Variants in LRBA observed in about 807,000 individuals in gnomAD.
LRBA encodes the protein LPS responsive beige-like anchor protein.
A neutral mutation model predicts 330.0 loss-of-function variants in LRBA; 176 were observed. The ratio of observed to expected loss-of-function variants is 0.53; its 90% CI spans 0.47 to 0.60. LRBA has a LOEUF of 0.60. Among genes scored for constraint, LRBA ranks in the 20% least tolerant of loss-of-function variants. The probability of loss-of-function intolerance (pLI) is 0.00; values close to 1 mark genes in which losing one functional copy is unlikely to be tolerated. For synonymous variants in LRBA, 1,230 were observed against 1,193.0 expected, an observed-to-expected ratio of 1.03 and a Z score of -0.64; for missense variants, 3,259 against 3,444.8, an observed-to-expected ratio of 0.95 and a Z score of 1.35.
At chr4:150,270,363 T>C (rs1745907988) in intron 56 of LRBA, among the ~76,000 whole-genome samples, 1 of 152,164 alleles carries the variant, frequency 6.6e-6, no homozygotes, top group Non-Finnish European at 1.5e-5. Context: ...AGAATATTCA[T>C]ATAATATTCT....
At chr4:150,303,815 C>T (rs1382450554) in intron 52 of LRBA, among the ~76,000 whole-genome samples, 2 of 151,912 alleles carry the variant, frequency 1.3e-5, no homozygotes, top group African/African-American at 2.4e-5. Context: ...CCTTGTAATC[C>T]ACCCGCCTGG....
intron 5 of LRBA, among the ~76,000 whole-genome samples, chr4:150,918,179 C>T (rs1437151509): frequency 2.0e-5 from 3 of 152,006 alleles, no homozygotes; most frequent in Non-Finnish European, 4.4e-5. Flanking sequence ...AAAAGACAAG[C>T]CACAAGAATG....
intron 2 of LRBA, among the ~76,000 whole-genome samples, chr4:150,931,232 G>C (rs934785720): frequency 6.6e-6 from 1 of 151,606 alleles, no homozygotes; most frequent in Non-Finnish European, 1.5e-5. Context: ...TCATAGTACA[G>C]TTATTTAAAC....
intron 47 of LRBA, among the ~76,000 whole-genome samples, chr4:150,372,765 T>TTTTTTTTTTTTTTTTTTTTG (rs1740582373): frequency 6.9e-6 from 1 of 144,332 alleles, no homozygotes; most frequent in Non-Finnish European, 1.5e-5. Context: ...AAGTTCTTAC[T>TTTTTTTTTTTTTTTTTTTTG]AGATATTAGT....
chr4:150,553,577 A>G (rs1036802190), intron 40 of LRBA, among the ~76,000 whole-genome samples: 4 of 152,146 alleles, frequency 2.6e-5, no homozygotes, highest in Non-Finnish European at 5.9e-5. Context: ...CAGAATACAA[A>G]AATACAATTT....
At chr4:150,487,217 A>C (rs1441734044) in intron 42 of LRBA, among the ~76,000 whole-genome samples, 1 of 151,292 alleles carries the variant, frequency 6.6e-6, no homozygotes, top group Non-Finnish European at 1.5e-5. Flanking sequence ...TATGATATAT[A>C]TCGTGTGTGT....
chr4:150,755,163 A>T (rs1304203104), intron 35 of LRBA, among the ~76,000 whole-genome samples: 1 of 152,224 alleles, frequency 6.6e-6, no homozygotes, highest in Non-Finnish European at 1.5e-5. Flanking sequence ...AAGAAAAAGG[A>T]TGGAGCGGCT....
chr4:150,566,735 GTTAT>G (rs1769185315), intron 40 of LRBA, among the ~76,000 whole-genome samples: 2 of 152,040 alleles, frequency 1.3e-5, no homozygotes, highest in South Asian at 2.1e-4. Context: ...ACTGTATTTA[GTTAT>G]TTAAATACTC....
chr4:150,376,002 T>C (rs1002807556), intron 47 of LRBA, among the ~76,000 whole-genome samples: 2 of 152,194 alleles, frequency 1.3e-5, no homozygotes, highest in African/African-American at 2.4e-5. Context: ...AAAGGTTGCA[T>C]ATTTAAGTAT....
chr4:150,805,347 G>GGAAAGGA (rs1270781419), intron 33 of LRBA, among the ~76,000 whole-genome samples: 1 of 61,168 alleles, frequency 1.6e-5, no homozygotes, highest in Non-Finnish European at 3.2e-5. Context: ...AGGAGAAGGA[G>GGAAAGGA]AAGGAAAGAA....
At chr4:150,735,624 T>C (rs1164130006) in intron 35 of LRBA, among the ~76,000 whole-genome samples, 2 of 152,196 alleles carry the variant, frequency 1.3e-5, no homozygotes, top group Non-Finnish European at 2.9e-5. Flanking sequence ...AAAGTTGTGT[T>C]TTAATCTTTT....
chr4:150,331,569 G>C (rs1331247495), intron 48 of LRBA, among the ~76,000 whole-genome samples: 2 of 152,188 alleles, frequency 1.3e-5, no homozygotes, highest in Non-Finnish European at 2.9e-5. Flanking sequence ...CAATGTCCTA[G>C]ATAGATTCAT....
intron 47 of LRBA, among the ~76,000 whole-genome samples, chr4:150,412,179 T>C (rs1191319430): frequency 3.3e-5 from 5 of 152,192 alleles, no homozygotes; most frequent in African/African-American, 9.6e-5. Context: ...ATGTTTGCAT[T>C]TGAATTGCAG....
At chr4:150,901,576 C>G (rs1730731905) in intron 13 of LRBA, among the ~76,000 whole-genome samples, 1 of 152,134 alleles carries the variant, frequency 6.6e-6, no homozygotes, top group African/African-American at 2.4e-5. Flanking sequence ...CTGCAAGGTA[C>G]CTCAGTGTCA....
At chr4:150,297,801 C>T (rs1179012580) in intron 53 of LRBA, among the ~76,000 whole-genome samples, 2 of 152,170 alleles carry the variant, frequency 1.3e-5, no homozygotes, top group African/African-American at 4.8e-5. Flanking sequence ...TGCTTTGTTT[C>T]ATTAGGCAAA....
chr4:150,300,843 A>G (rs533514062), intron 53 of LRBA, among the ~76,000 whole-genome samples: 3 of 152,226 alleles, frequency 2.0e-5, no homozygotes, highest in African/African-American at 7.2e-5. Context: ...GTAATTACAT[A>G]CAAGTGTAGC....
chr4:150,848,682 A>C lies in LRBA; in HGVS notation c.4339+136T>G, dbSNP rs558600688. The C allele has an allele frequency of 3.4e-5, 23 of 671,380 alleles. No individual in the cohort carries two copies. In the South Asian group the frequency reaches 5.5e-4, roughly 16 times the overall value. The allele number at this position is 671,380 out of a possible 1,614,324, so 41.6% of individuals were successfully genotyped here. ...CAACTTACCAACTACTACTATGTACATTAAAAAAAGTAACCATATGACAAA... is the reference window on the plus strand; with the variant it reads ...CAACTTACCAACTACTACTATGTACCTTAAAAAAAGTAACCATATGACAAA... On this transcript the variant is annotated intron_variant, in intron 26 of 56. Transcript: ENST00000651943.
At chr4:150,920,307 G>A (rs1009554155) in intron 5 of LRBA, among the ~76,000 whole-genome samples, 2 of 152,158 alleles carry the variant, frequency 1.3e-5, no homozygotes, top group African/African-American at 4.8e-5. Flanking sequence ...CCAGCACTTC[G>A]GGAGGCTGAG....
intron 2 of LRBA, among the ~76,000 whole-genome samples, chr4:150,989,150 G>A (rs1741789071): frequency 6.6e-6 from 1 of 151,624 alleles, no homozygotes. Flanking sequence ...CTACAGGCAC[G>A]CACCACCACC....
Sources: gnomAD v4.1 joint callset for allele counts (sites outside exome capture counted in the v4.1 genomes callset) on GRCh38, gnomAD v4.1.1 for gene constraint, MANE v1.5 for transcripts, NCBI Gene and HGNC (gene_info 2026-07-23, HGNC 2026-07-21) for gene names.